The following COL6A2 variants were observed in gnomAD, a reference collection of about 807,000 sequenced individuals.
The protein encoded by COL6A2 is collagen type VI alpha 2 chain.
In COL6A2, 90 loss-of-function variants were observed where a neutral mutation model predicts 124.9. That is an observed-to-expected ratio of 0.72 (90% CI 0.61 to 0.86). COL6A2 has a LOEUF of 0.86. COL6A2 is among the 40% of genes least tolerant of loss of function. The pLI, the probability that COL6A2 is intolerant of heterozygous loss-of-function variation, is 0.00. For synonymous variants in COL6A2, 793 were observed against 618.2 expected (o/e 1.28, Z -4.19); for missense variants, 1,607 against 1,502.5 (o/e 1.07, Z -1.15).
chr21:46,129,284 G>A (rs1306940350), intron 27 of COL6A2: 9 of 1,612,942 alleles, frequency 5.6e-6, no homozygotes, highest in African/African-American at 1.3e-5. Flanking sequence ...CCATTCCCCT[G>A]ATCCAACAGT....
In COL6A2 at chr21:46,118,605, C is replaced by T. The variant is rs1057523383; in HGVS notation, c.1117-9C>T. The T allele has an allele frequency of 1.2e-6, 2 of 1,612,440 alleles. No individual in the cohort carries two copies. Among genetic ancestry groups the T allele is most frequent in the Non-Finnish European group, 1.7e-6 (2 of 1,179,836 alleles). On this transcript the variant is annotated splice_polypyrimidine_tract_variant and intron_variant, in intron 12 of 27. Coordinates refer to ENST00000300527, the MANE Select transcript of COL6A2 (RefSeq NM_001849.4). ...AAAGACGTGAGGCTGATTCTGCAAA[C>T]CCTTCCAGGGGGACCCTGGCCGCCC...
At chr21:46,113,099 C>A (rs2078427399) in intron 4 of COL6A2, 1 of 582,838 alleles carries the variant, frequency 1.7e-6, no homozygotes, top group Non-Finnish European at 3.1e-6. Context: ...CAGGTGGGAT[C>A]CATCCACCCT....
chr21:46,122,280 T>C (rs1210646104), intron 19 of COL6A2, 122 bp downstream of exon 19: 1 of 1,286,580 alleles, frequency 7.8e-7, no homozygotes, highest in African/African-American at 1.5e-5. Context: ...AGGTCCCTCC[T>C]GCGGGACAGA....
Position 46,122,855 on chromosome 21 carries a change from A to G in COL6A2, c.1609-20A>G, listed in dbSNP as rs1291554758. 4.3e-6 allele frequency: 7 copies of G among 1,611,170 alleles called. No individual in the cohort carries two copies. Among genetic ancestry groups the G allele is most frequent in the Non-Finnish European group, 5.1e-6 (6 of 1,178,162 alleles). ...GAGACAGCTCCTCTGTCCCAGGCTA[A>G]CATGTGTTCCCTGTCACAGGGAGGC... is the stretch of plus-strand genomic sequence containing the variant. On this transcript the variant is annotated intron_variant, in intron 20 of 27. Coordinates refer to ENST00000300527, the MANE Select transcript of COL6A2 (RefSeq NM_001849.4).
At chr21:46,120,137 A>C (rs1302250678) in intron 15 of COL6A2, among the ~76,000 whole-genome samples, 1 of 146,988 alleles carries the variant, frequency 6.8e-6, no homozygotes, top group African/African-American at 2.5e-5. Context: ...CCACTGAGGC[A>C]CCTCTTACCC....
Position 46,116,462 on chromosome 21 carries a change from C to T in COL6A2, c.927+59C>T, listed in dbSNP as rs2078471846. ...CGCCAGCCTCGGCCCAGACCCACCT[C>T]TTGGCGTCCGCCGCAGCCTGTCACT... On this transcript the variant is annotated intron_variant, in intron 8 of 27. Transcript: ENST00000300527. This position sits in a 1 kb window ranked among gnomAD's most constrained non-coding sequence, Gnocchi z 4.6. 8 of 1,607,008 alleles carry T rather than the reference C, an allele frequency of 5.0e-6. No individual in the cohort carries two copies. In the South Asian group the frequency reaches 8.8e-5, roughly 18 times the overall value.
chr21:46,132,701 T>A lies in COL6A2; in HGVS notation c.*149T>A, dbSNP rs1601271108. 7.4e-6 allele frequency: 6 copies of A among 808,308 alleles called. No individual in the cohort carries two copies. The highest frequency in any genetic ancestry group is 1.7e-5 in the African/African-American group (1 of 58,690). The allele number at this position is 808,308 out of a possible 1,614,324, so 50.1% of individuals were successfully genotyped here. ...TCCAGCTCCTCCCACGGGGTCCCCGTAGCCCCGGCCCCCGCCCAGCCCCAG... is the reference window on the plus strand; with the variant it reads ...TCCAGCTCCTCCCACGGGGTCCCCGAAGCCCCGGCCCCCGCCCAGCCCCAG... On this transcript the variant is annotated 3_prime_UTR_variant, in exon 28 of 28. Coordinates refer to ENST00000300527, the MANE Select transcript of COL6A2 (RefSeq NM_001849.4).
chr21:46,109,491 G>A (rs1021798523), intron 1 of COL6A2, among the ~76,000 whole-genome samples: 4 of 152,134 alleles, frequency 2.6e-5, no homozygotes, highest in Non-Finnish European at 5.9e-5. Context: ...GGCTTCACTG[G>A]GGACCCATCC....
At chr21:46,105,382 T>TAA (rs2078326015) in intron 1 of COL6A2, among the ~76,000 whole-genome samples, 1 of 152,060 alleles carries the variant, frequency 6.6e-6, no homozygotes, top group South Asian at 2.1e-4. Flanking sequence ...CAAGACCTTA[T>TAA]CTCAAAATAA....
intron 21 of COL6A2, 57 bp from the exon 22 acceptor site, chr21:46,124,594 G>A (rs374268169): frequency 1.9e-6 from 3 of 1,553,658 alleles, no homozygotes; most frequent in Non-Finnish European, 8.9e-7. Flanking sequence ...GGGCCCTGCT[G>A]TGTGCAGGGA....
At chr21:46,123,864 T>G (rs2078610270) in intron 21 of COL6A2, among the ~76,000 whole-genome samples, 2 of 143,604 alleles carry the variant, frequency 1.4e-5, no homozygotes, top group Admixed American at 1.4e-4. Flanking sequence ...AGTTAGTGGG[T>G]TGGCAGATGG....
intron 1 of COL6A2, among the ~76,000 whole-genome samples, chr21:46,099,640 C>T (rs1483557762): frequency 1.3e-5 from 2 of 152,136 alleles, no homozygotes; most frequent in African/African-American, 2.4e-5. Context: ...TGGAAGGGGC[C>T]CTACCCAGCC....
intron 23 of COL6A2, 104 bp downstream of exon 23, chr21:46,125,024 ATCAGTGGAGGAGGTCAGAGGGCAAGG>A (rs1291951580): frequency 4.6e-5 from 66 of 1,419,816 alleles, no homozygotes; most frequent in Non-Finnish European, 6.4e-5. Flanking sequence ...AGAGAGCAAG[ATCAGTGGAGGAGGTCAGAGGGCAAGG>A]TCAGAGAGCA....
chr21:46,115,790 T>G, intron 5 of COL6A2, 82 bp from the exon 6 acceptor site: 1 of 1,273,774 alleles, frequency 7.9e-7, no homozygotes, highest in East Asian at 2.4e-5. Context: ...CTGTGTCACC[T>G]CTCAGAGGAG....
Position 46,132,654 on chromosome 21 carries a change from C to G in COL6A2, c.*102C>G. On this transcript the variant is annotated 3_prime_UTR_variant, in exon 28 of 28. Coordinates refer to ENST00000300527, the MANE Select transcript of COL6A2 (RefSeq NM_001849.4). ...CGGCCAGCACCGCTGCTCACTCGGA[C>G]GACGCCCTGGGCCTGCACCTCTCCA... The G allele has an allele frequency of 8.2e-7, 1 of 1,218,296 alleles. No homozygotes were observed. Among genetic ancestry groups the G allele is most frequent in the Non-Finnish European group, 1.2e-6 (1 of 860,138 alleles). The allele number at this position is 1,218,296 out of a possible 1,614,324, so 75.5% of individuals were successfully genotyped here. A position where few individuals can be genotyped will look rare whatever the true frequency, so the allele number is the denominator to read the frequency against.
rs727502831 is a variant in COL6A2 at position 46,132,416 on chromosome 21, C to A, written c.2924C>A (p.Ala975Asp). ...CAGAACGTGGTACCCACCGTGCTGG[C>A]CTTGGGCAGCGACGTGGACATGGAC... ...RKQNVVPTVL[A>D]LGSDVDMDVL... is the part of the protein sequence containing the mutation. Residue 975 changes from alanine (A) to aspartate (D), a missense_variant, in exon 28 of 28, where the codon GCC becomes GAC. By Grantham distance (126) the Ala-to-Asp change is moderately radical. Around this residue, in one of 3 missense-constraint regions of COL6A2, gnomAD observed 1,223 missense variants for 1,052.2 expected, o/e 1.16. Coordinates refer to ENST00000300527, the MANE Select transcript of COL6A2 (RefSeq NM_001849.4). 1 of 1,607,642 alleles carries A rather than the reference C, an allele frequency of 6.2e-7. No homozygotes were observed. The highest frequency in any genetic ancestry group is 8.5e-7 in the Non-Finnish European group (1 of 1,177,596).
rs150396551 is a variant in COL6A2, at chr21:46,120,870, C to T, written c.1396-191C>T. ...GCTTAGGCAGGGGCTACACCCAGAACCCAGCCTACTCCACTCAGTGTGCTC... is the reference window on the plus strand; with the variant it reads ...GCTTAGGCAGGGGCTACACCCAGAATCCAGCCTACTCCACTCAGTGTGCTC... On this transcript the variant is annotated intron_variant, in intron 16 of 27. Transcript: ENST00000300527. 6.5e-4 allele frequency among the ~76,000 whole-genome samples: 99 copies of T among 152,282 alleles called. 1 individual carries two copies. Among genetic ancestry groups the T allele is most frequent in the African/African-American group, 2.3e-3 (97 of 41,558 alleles).
intron 1 of COL6A2, among the ~76,000 whole-genome samples, chr21:46,100,310 G>GTGTT (rs148554229): frequency 0.037 from 5,615 of 151,990 alleles, 127 homozygotes; most frequent in Non-Finnish European, 0.045. Context: ...GGCCATGGAT[G>GTGTT]TGTTTGTTTG....
intron 27 of COL6A2, chr21:46,129,042 G>C (rs1157013126): frequency 1.2e-6 from 2 of 1,601,164 alleles, no homozygotes; most frequent in South Asian, 1.1e-5. Flanking sequence ...TGCCAAGGCC[G>C]AGCCACACAC....
Sources: allele counts gnomAD v4.1 joint callset (sites outside exome capture counted in the v4.1 genomes callset), GRCh38; gene constraint gnomAD v4.1.1; regional missense constraint gnomAD v4.1.1; non-coding constraint Gnocchi (gnomAD v3.1); transcripts MANE v1.5; gene names NCBI Gene and HGNC (gene_info 2026-07-23, HGNC 2026-07-21).